ISM2: variants seen among roughly 807,000 people sequenced by gnomAD.
The protein encoded by ISM2 is isthmin-2.
A neutral mutation model predicts 58.0 loss-of-function variants in ISM2; 50 were observed. That is an observed-to-expected ratio of 0.86 (90% CI 0.69 to 1.09). ISM2 has a LOEUF of 1.09. Ranked by LOEUF, ISM2 falls within the 50% of genes least tolerant of loss-of-function variation. The probability of loss-of-function intolerance (pLI) is 0.00; values close to 1 mark genes in which losing one functional copy is unlikely to be tolerated. For synonymous variants in ISM2, 303 were observed against 312.4 expected (o/e 0.97, Z 0.32); for missense variants, 723 against 745.0 (o/e 0.97, Z 0.34).
rs1243649179 is a variant in ISM2, at chr14:77,498,721, G to T, written c.73C>A (p.Leu25Ile). ...CGCGGCTTCTTCACGGGGAGCCCTA[G>T]CGCCGCCTCCAGCAGCGCCGCCAGC... The part of the protein sequence containing the change: ...LLLAALLEAA[L>I]GLPVKKPRLR... The change falls in exon 1 of 7, where the codon CTA (leucine) becomes ATA (isoleucine). Residue 25 changes from leucine to isoleucine, a missense_variant. Physicochemically the swap from Leu to Ile is conservative, Grantham distance 5. Transcript: ENST00000342219. The T allele has an allele frequency of 2.0e-6, 3 of 1,484,232 alleles. No individual in the cohort carries two copies. The East Asian group carries it at 8.8e-5, about 43-fold the overall frequency. The allele number at this position is 1,484,232 out of a possible 1,614,324, so 91.9% of individuals were successfully genotyped here.
In ISM2 at chr14:77,487,622, C is replaced by T. The variant is rs757489066; in HGVS notation, c.142-2703G>A. On this transcript the variant is annotated intron_variant, in intron 1 of 6. Coordinates refer to ENST00000342219, the MANE Select transcript of ISM2 (RefSeq NM_199296.3). ...GCTCTTGGGAGTCTCCCTCTCTGTA[C>T]GTCAGCCCTTGCGGAACTCCTGGGA... Among the ~76,000 whole-genome samples, 89 of 152,332 alleles carry T rather than the reference C, an allele frequency of 5.8e-4. 1 individual carries two copies. Among genetic ancestry groups the T allele is most frequent in the Middle Eastern group, 3.4e-3 (1 of 294 alleles).
intron 1 of ISM2, chr14:77,498,360 C>T (rs1197762512): frequency 7.1e-7 from 1 of 1,401,582 alleles, no homozygotes; most frequent in Non-Finnish European, 9.5e-7. Flanking sequence ...GGCGAGGAAG[C>T]CCGGCCACCG....
At position 77,484,323 on chromosome 14, in the gene ISM2, C is replaced by A. The variant is rs774244483; in HGVS notation, c.627G>T (p.Gln209His). Residue 209 changes from glutamine (Q) to histidine (H), a missense_variant and splice_region_variant, in exon 3 of 7, where the codon CAG (glutamine) becomes CAT (histidine). By Grantham distance (24) the Gln-to-His change is conservative. Transcript: ENST00000342219. ...CTGCTGGCCCTTCTGTAGCTCTCAC[C>A]TGGTTATCAGGGTTAGGGGTACTCA... is the stretch of plus-strand genomic sequence containing the variant. Reference protein sequence around the residue: ...ATLSTPNPDNQVTIKVVEDPQ... With the variant: ...ATLSTPNPDNHVTIKVVEDPQ... 2 of 1,610,002 alleles carry A rather than the reference C, an allele frequency of 1.2e-6. No individual in the cohort carries two copies. Among genetic ancestry groups the A allele is most frequent in the Non-Finnish European group, 1.7e-6 (2 of 1,177,778 alleles).
At chr14:77,486,070 C>T in intron 1 of ISM2, among the ~76,000 whole-genome samples, 1 of 152,218 alleles carries the variant, frequency 6.6e-6, no homozygotes, top group East Asian at 1.9e-4. Flanking sequence ...CATTGTCATG[C>T]CTGTCTTACA....
Position 77,478,299 on chromosome 14 carries a change from G to T in ISM2, c.1141C>A (p.Leu381Ile). Residue 381 changes from leucine to isoleucine, a missense_variant, in exon 6 of 7, where the codon CTC becomes ATC. Physicochemically the swap from Leu to Ile is conservative, Grantham distance 5. Transcript: ENST00000342219. ...PGTEDKDTLGLPSEEWKLLAR... is the reference protein window; with the variant it reads ...PGTEDKDTLGIPSEEWKLLAR... Reference sequence around the variant, plus strand: ...AGGAGCTTCCACTCCTCACTGGGGAGGCCCAAGGTGTCCTTGTCCTCAGTG... The same window carrying T: ...AGGAGCTTCCACTCCTCACTGGGGATGCCCAAGGTGTCCTTGTCCTCAGTG... 1 of 1,614,154 alleles carries T rather than the reference G, an allele frequency of 6.2e-7. No homozygotes were observed. Among genetic ancestry groups the T allele is most frequent in the Non-Finnish European group, 8.5e-7 (1 of 1,179,988 alleles).
rs1594958943 is a variant in ISM2, at chr14:77,498,789, C to G, written c.5G>C (p.Arg2Pro). 1 of 1,440,612 alleles carries G rather than the reference C, an allele frequency of 6.9e-7. No individual in the cohort carries two copies. Among genetic ancestry groups the G allele is most frequent in the African/African-American group, 1.5e-5 (1 of 66,916 alleles). The allele number at this position is 1,440,612 out of a possible 1,614,324, so 89.2% of individuals were successfully genotyped here. The change falls in exon 1 of 7, where the codon CGT (arginine) becomes CCT (proline). Residue 2 changes from arginine (R) to proline (P), a missense_variant. Physicochemically the swap from Arg to Pro is moderately radical, Grantham distance 103 (BLOSUM62 -2). Transcript: ENST00000342219. ...GAGCCCGGCTCGGTCGCGGAGCGCA[C>G]GCATCGTCTCGGTTCCGAGGCTGCT... M[R>P]ALRDRAGLLL...
intron 6 of ISM2, 24 bp downstream of exon 6, chr14:77,478,218 G>A: frequency 6.2e-7 from 1 of 1,607,478 alleles, no homozygotes. Flanking sequence ...AAACCACCAG[G>A]GGCAAGCCTA....
chr14:77,491,683 C>T (rs1371921365), intron 1 of ISM2, among the ~76,000 whole-genome samples: 1 of 148,584 alleles, frequency 6.7e-6, no homozygotes, highest in Non-Finnish European at 1.5e-5. Flanking sequence ...TGGGCCACCG[C>T]GTCTGGTCTT....
In ISM2 at chr14:77,475,684, C is replaced by T; in HGVS notation, c.1627G>A (p.Val543Met). 1 of 1,614,046 alleles carries T rather than the reference C, an allele frequency of 6.2e-7. No individual in the cohort carries two copies. Among genetic ancestry groups the T allele is most frequent in the East Asian group, 2.2e-5 (1 of 44,876 alleles). Residue 543 changes from valine (V) to methionine (M), a missense_variant, in exon 7 of 7, where the codon GTG (valine) becomes ATG (methionine). Val to Met is a conservative substitution (Grantham distance 21). Transcript: ENST00000342219. The surrounding 1 kb of genome is among the most constrained non-coding windows in gnomAD (Gnocchi z 4.1). ...CKGDWSRLHAVLPPNNGRACT... is the reference protein window; with the variant it reads ...CKGDWSRLHAMLPPNNGRACT... ...GCTCGGCCGTTGTTGGGAGGGAGCA[C>T]AGCGTGGAGGCGGCTCCAGTCCCCC...
intron 1 of ISM2, among the ~76,000 whole-genome samples, chr14:77,489,593 G>T (rs1430905718): frequency 6.6e-6 from 1 of 151,972 alleles, no homozygotes; most frequent in Non-Finnish European, 1.5e-5. Flanking sequence ...GCCCAGACTG[G>T]CCTCGATATT....
Position 77,484,774 on chromosome 14 carries a change from G to T in ISM2, c.287C>A (p.Pro96His), listed in dbSNP as rs77472100. ...PAAMTPGNAT[P>H]PRTPEVTPLR... ...CGGAGTAACCTCTGGGGTCCTGGGA[G>T]GGGTGGCGTTGCCTGGGGTCATGGC... Residue 96 changes from proline to histidine, a missense_variant, in exon 2 of 7, where the codon CCT becomes CAT. Physicochemically the swap from Pro to His is moderately conservative, Grantham distance 77. Coordinates refer to ENST00000342219, the MANE Select transcript of ISM2 (RefSeq NM_199296.3). 2 of 1,611,882 alleles carry T rather than the reference G, an allele frequency of 1.2e-6. No individual in the cohort carries two copies. The highest frequency in any genetic ancestry group is 2.2e-5 in the South Asian group (2 of 91,000).
At position 77,478,628 on chromosome 14, in the gene ISM2, C is replaced by A; in HGVS notation, c.1061G>T (p.Gly354Val). The A allele has an allele frequency of 6.2e-7, 1 of 1,610,132 alleles. No homozygotes were observed. Reference protein sequence around the residue: ...TGKQQRTRPCGYGCTATETRT... With the variant: ...TGKQQRTRPCVYGCTATETRT... ...GGTCTCGGTGGCAGTGCAGCCATAG[C>A]CACAGGGCCGAGTCCTCTGCTGCTT... The change falls in exon 5 of 7, where the codon GGC becomes GTC. Residue 354 changes from glycine (G) to valine (V), a missense_variant. Coordinates refer to ENST00000342219, the MANE Select transcript of ISM2 (RefSeq NM_199296.3).
chr14:77,494,745 G>A (rs577963464), intron 1 of ISM2, among the ~76,000 whole-genome samples: 53 of 152,176 alleles, frequency 3.5e-4, no homozygotes, highest in African/African-American at 1.2e-3. Flanking sequence ...ATAGCAATCT[G>A]CATTCTCTCA....
At chr14:77,497,778 GGAAGGAAGGAAGGAA>G (rs2079256255) in intron 1 of ISM2, among the ~76,000 whole-genome samples, 1 of 88,186 alleles carries the variant, frequency 1.1e-5, no homozygotes, top group East Asian at 2.5e-4. Flanking sequence ...AGGGAAGGAA[GGAAGGAAGGAAGGAA>G]GGAAGGAAGG....
intron 1 of ISM2, among the ~76,000 whole-genome samples, chr14:77,487,244 TAAATAAA>T (rs955943533): frequency 4.0e-4 from 11 of 27,602 alleles, no homozygotes; most frequent in Non-Finnish European, 1.4e-4. Flanking sequence ...GAATCCATCT[TAAATAAA>T]TAAATAAATA....
At chr14:77,496,935 G>C (rs141954452) in intron 1 of ISM2, among the ~76,000 whole-genome samples, 2 of 150,900 alleles carry the variant, frequency 1.3e-5, no homozygotes, top group African/African-American at 4.9e-5. Flanking sequence ...CTCAAGTGCA[G>C]CCAGTCTCCC....
At chr14:77,497,234 G>A (rs2079248696) in intron 1 of ISM2, among the ~76,000 whole-genome samples, 1 of 151,968 alleles carries the variant, frequency 6.6e-6, no homozygotes, top group Non-Finnish European at 1.5e-5. Flanking sequence ...CAGGCGCGGT[G>A]GCAGGCGCCT....
intron 6 of ISM2, 112 bp from the exon 7 acceptor site, chr14:77,476,224 G>T: frequency 8.0e-7 from 1 of 1,242,628 alleles, no homozygotes. Flanking sequence ...GGCCCCAGCT[G>T]GTGCAAAGGC....
At chr14:77,490,276 C>A (rs558459210) in intron 1 of ISM2, among the ~76,000 whole-genome samples, 3 of 152,234 alleles carry the variant, frequency 2.0e-5, no homozygotes, top group Non-Finnish European at 4.4e-5. Flanking sequence ...GGATTACAGG[C>A]GTGAGCCACT....
Sources: allele counts gnomAD v4.1 joint callset (sites outside exome capture counted in the v4.1 genomes callset), GRCh38; gene constraint gnomAD v4.1.1; non-coding constraint Gnocchi (gnomAD v3.1); transcripts MANE v1.5; gene names NCBI Gene and HGNC (gene_info 2026-07-23, HGNC 2026-07-21).